The following ABHD17C variants were observed in gnomAD, a reference collection of about 807,000 sequenced individuals.
ABHD17C encodes alpha/beta hydrolase domain-containing protein 17C.
In ABHD17C, 11 loss-of-function variants were observed where a neutral mutation model predicts 27.9. The observed-to-expected ratio is 0.39, with a 90% CI of 0.25 to 0.65. ABHD17C has a LOEUF of 0.65. ABHD17C is among the 30% of genes least tolerant of loss of function. The probability of loss-of-function intolerance (pLI) is 0.45; values close to 1 mark genes in which losing one functional copy is unlikely to be tolerated. For synonymous variants in ABHD17C, 233 were observed against 209.1 expected, an observed-to-expected ratio of 1.11 and a Z score of -0.98; for missense variants, 280 against 470.2, an observed-to-expected ratio of 0.60 and a Z score of 3.74.
At chr15:80,753,120 C>T (rs1372233843) in intron 2 of ABHD17C, among the ~76,000 whole-genome samples, 1 of 151,962 alleles carries the variant, frequency 6.6e-6, no homozygotes, top group Non-Finnish European at 1.5e-5. Context: ...ATTAAGTGTC[C>T]AGCTTTCCAA....
intron 1 of ABHD17C, among the ~76,000 whole-genome samples, chr15:80,714,231 C>T (rs944750233): frequency 2.6e-5 from 4 of 152,228 alleles, no homozygotes; most frequent in Non-Finnish European, 5.9e-5. Context: ...GCTAGGATTA[C>T]AGGCGTGAGC....
At chr15:80,751,368 A>G (rs1267764227) in intron 2 of ABHD17C, among the ~76,000 whole-genome samples, 1 of 152,166 alleles carries the variant, frequency 6.6e-6, no homozygotes, top group South Asian at 2.1e-4. Flanking sequence ...TCCAAAGGAA[A>G]AAAAAAAGAT....
At chr15:80,735,571 C>T (rs765085854) in intron 1 of ABHD17C, among the ~76,000 whole-genome samples, 12 of 152,124 alleles carry the variant, frequency 7.9e-5, no homozygotes, top group Non-Finnish European at 1.3e-4. Flanking sequence ...ACGCCCCTGC[C>T]GCTGCCTACC....
intron 1 of ABHD17C, among the ~76,000 whole-genome samples, chr15:80,740,889 T>C (rs574976431): frequency 2.0e-5 from 3 of 151,990 alleles, no homozygotes; most frequent in Non-Finnish European, 4.4e-5. Context: ...TGGAGAAGAG[T>C]GTACAGAAAA....
intron 1 of ABHD17C, among the ~76,000 whole-genome samples, chr15:80,730,272 G>C (rs1420077264): frequency 6.6e-6 from 1 of 152,118 alleles, no homozygotes; most frequent in African/African-American, 2.4e-5. Flanking sequence ...CAGTATCTGG[G>C]ACCACTCAGT....
At chr15:80,748,102 G>A (rs185565184) in intron 1 of ABHD17C, among the ~76,000 whole-genome samples, 77 of 152,262 alleles carry the variant, frequency 5.1e-4, no homozygotes, top group African/African-American at 1.8e-3. Flanking sequence ...CCCAGGTGTG[G>A]TGCTCTCCAT....
At chr15:80,709,259 C>T (rs7169438) in intron 1 of ABHD17C, among the ~76,000 whole-genome samples, 223 of 151,874 alleles carry the variant, frequency 1.5e-3, no homozygotes, top group African/African-American at 4.8e-3. Context: ...GAGGCCGAGG[C>T]GGACAGACCA....
intron 1 of ABHD17C, among the ~76,000 whole-genome samples, chr15:80,719,072 A>G (rs1437359494): frequency 6.6e-6 from 1 of 152,234 alleles, no homozygotes; most frequent in East Asian, 1.9e-4. Flanking sequence ...CAGTGAGAAG[A>G]CTTAGTAATA....
rs35847895 is a variant in ABHD17C at position 80,701,678 on chromosome 15, C to CAA, written c.590+5672_590+5673dup. Among the ~76,000 whole-genome samples the CAA allele has an allele frequency of 4.1e-3, 473 of 116,302 alleles. 6 individuals carry two copies. Among genetic ancestry groups the CAA allele is most frequent in the African/African-American group, 0.016 (445 of 27,182 alleles). 76.3% of individuals were successfully genotyped at this position (116,302 alleles called of 152,430 possible). ...TGGGCGACAGAGCGAGACTCCATCT[C>CAA]AAAAAAAAAAAAAACAAATGTTATG... is the stretch of plus-strand genomic sequence containing the variant. On this transcript the variant is annotated intron_variant, in intron 1 of 2. Coordinates refer to ENST00000258884, the MANE Select transcript of ABHD17C (RefSeq NM_021214.2).
intron 1 of ABHD17C, among the ~76,000 whole-genome samples, chr15:80,735,305 T>G (rs72736184): frequency 0.057 from 8,677 of 152,218 alleles, 331 homozygotes; most frequent in South Asian, 0.11. Flanking sequence ...AAAATCCAAC[T>G]CTACCTATTA....
At chr15:80,753,861 A>G (rs989687822) in intron 2 of ABHD17C, among the ~76,000 whole-genome samples, 1 of 152,212 alleles carries the variant, frequency 6.6e-6, no homozygotes, top group Non-Finnish European at 1.5e-5. Flanking sequence ...AGGTTCATCA[A>G]AGGTACTGCT....
At chr15:80,716,374 G>A (rs766269950) in intron 1 of ABHD17C, among the ~76,000 whole-genome samples, 5 of 151,666 alleles carry the variant, frequency 3.3e-5, no homozygotes, top group Non-Finnish European at 1.5e-5. Context: ...AGGGACAGCC[G>A]CGTAAGACAA....
intron 2 of ABHD17C, among the ~76,000 whole-genome samples, chr15:80,750,624 C>G (rs978993672): frequency 1.3e-5 from 2 of 152,096 alleles, no homozygotes; most frequent in African/African-American, 4.8e-5. Context: ...CAGAAAGGAA[C>G]CTTCTGTTAA....
chr15:80,712,026 C>G (rs1272978247), intron 1 of ABHD17C, among the ~76,000 whole-genome samples: 1 of 152,180 alleles, frequency 6.6e-6, no homozygotes, highest in Non-Finnish European at 1.5e-5. Flanking sequence ...AGCCCTCCTG[C>G]ACCATTCATA....
chr15:80,740,397 C>G (rs769482228), intron 1 of ABHD17C, among the ~76,000 whole-genome samples: 2 of 152,048 alleles, frequency 1.3e-5, no homozygotes, highest in Admixed American at 1.3e-4. Flanking sequence ...TGGATGGGCC[C>G]GTGGTTTCAG....
At chr15:80,720,574 T>C (rs562476623) in intron 1 of ABHD17C, among the ~76,000 whole-genome samples, 81 of 152,224 alleles carry the variant, frequency 5.3e-4, no homozygotes, top group African/African-American at 2.0e-3. Flanking sequence ...TTTATATATA[T>C]TCTTTGTGTT....
At chr15:80,744,838 T>G (rs1207315119) in intron 1 of ABHD17C, among the ~76,000 whole-genome samples, 2 of 152,240 alleles carry the variant, frequency 1.3e-5, no homozygotes, top group Non-Finnish European at 2.9e-5. Flanking sequence ...TCTTTAGAAA[T>G]GTAATTGTGG....
intron 1 of ABHD17C, among the ~76,000 whole-genome samples, chr15:80,730,439 C>T (rs1020545573): frequency 6.6e-6 from 1 of 152,292 alleles, no homozygotes; most frequent in Admixed American, 6.5e-5. Flanking sequence ...TAGATGTTGT[C>T]ATAGTCTGAA....
intron 1 of ABHD17C, among the ~76,000 whole-genome samples, chr15:80,730,304 C>T (rs1262451443): frequency 2.0e-5 from 3 of 152,180 alleles, no homozygotes; most frequent in Admixed American, 2.0e-4. Context: ...AGTTCCCCGT[C>T]CTGCATAGCC....
Sources: gnomAD v4.1 joint callset for allele counts (sites outside exome capture counted in the v4.1 genomes callset) on GRCh38, gnomAD v4.1.1 for gene constraint, MANE v1.5 for transcripts, NCBI Gene and HGNC (gene_info 2026-07-23, HGNC 2026-07-21) for gene names.